Variants in CELF2 observed in about 807,000 individuals in gnomAD.
The protein encoded by CELF2 is CUGBP Elav-like family member 2.
A neutral mutation model predicts 62.6 loss-of-function variants in CELF2; 8 were observed. That is an observed-to-expected ratio of 0.13 (90% CI 0.07 to 0.23). The LOEUF (loss-of-function observed/expected upper bound fraction) is 0.23, where lower values mean the gene tolerates loss of function less well. Ranked by LOEUF, CELF2 falls within the 10% of genes least tolerant of loss-of-function variation. CELF2 has a pLI of 1.00. For synonymous variants in CELF2, 258 were observed against 250.0 expected (o/e 1.03, Z -0.30); for missense variants, 333 against 671.0 (o/e 0.50, Z 5.56).
chr10:10,574,973 C>T, the CELF2 span, among the ~76,000 whole-genome samples: 758 of 151,610 alleles, frequency 5.0e-3, 6 homozygotes, highest in African/African-American at 0.017. Context: ...CCACCTTGGC[C>T]TCCGAAAGTG....
the CELF2 span, among the ~76,000 whole-genome samples, chr10:10,547,897 T>A: frequency 6.6e-6 from 1 of 152,150 alleles, no homozygotes; most frequent in East Asian, 1.9e-4. Context: ...AATATTTTCC[T>A]TTGTTGTGGA....
At chr10:10,755,811 A>G in the CELF2 span, among the ~76,000 whole-genome samples, 2 of 151,268 alleles carry the variant, frequency 1.3e-5, no homozygotes, top group Non-Finnish European at 3.0e-5. Flanking sequence ...CAGTACATTA[A>G]TACAACTGGT....
intron 1 of CELF2, among the ~76,000 whole-genome samples, chr10:11,144,533 A>G (rs2061901726): frequency 6.6e-6 from 1 of 152,072 alleles, no homozygotes; most frequent in East Asian, 1.9e-4. Context: ...AGACAATGTT[A>G]AATGAAGGAA....
the CELF2 span, among the ~76,000 whole-genome samples, chr10:10,677,195 G>T: frequency 1.1e-3 from 169 of 152,260 alleles, 1 homozygote; most frequent in African/African-American, 4.0e-3. Context: ...TACTTTGGAG[G>T]TTCACATCAT....
chr10:10,807,145 C>G, intron 1 of CELF2, among the ~76,000 whole-genome samples: 1 of 152,220 alleles, frequency 6.6e-6, no homozygotes, highest in East Asian at 1.9e-4. Context: ...TCAAAAGCCT[C>G]TGCTTTTCTA....
At chr10:10,909,777 C>T (rs2134324486) in intron 1 of CELF2, among the ~76,000 whole-genome samples, 1 of 152,324 alleles carries the variant, frequency 6.6e-6, no homozygotes, top group Middle Eastern at 3.4e-3. Context: ...AATCTCTTCC[C>T]ATTACTTGTC....
rs980660518 is a variant in CELF2, at chr10:11,126,764, T to C, written c.75-38722T>C. Among the ~76,000 whole-genome samples, 4 of 152,238 alleles carry C rather than the reference T, an allele frequency of 2.6e-5. No homozygotes were observed. In the East Asian group the frequency reaches 7.7e-4, roughly 29 times the overall value. ...TACATTTCTGGTAGTTAGCATTTTATATTTCCTACTCCCTTGTAATAATTG... is the reference window on the plus strand; with the variant it reads ...TACATTTCTGGTAGTTAGCATTTTACATTTCCTACTCCCTTGTAATAATTG... On this transcript the variant is annotated intron_variant, in intron 1 of 12. Transcript: ENST00000633077.
chr10:10,959,849 C>G (rs2049292815), intron 2 of CELF2, among the ~76,000 whole-genome samples: 1 of 152,202 alleles, frequency 6.6e-6, no homozygotes, highest in Non-Finnish European at 1.5e-5. Flanking sequence ...GATGAGAAAG[C>G]ATGGGGTAGG....
intron 1 of CELF2, among the ~76,000 whole-genome samples, chr10:11,132,773 G>A (rs2059810724): frequency 6.6e-6 from 1 of 152,200 alleles, no homozygotes; most frequent in African/African-American, 2.4e-5. Flanking sequence ...GGGTATCATA[G>A]AAAGCAAAAC....
In CELF2 at chr10:11,302,605, A is replaced by G. The variant is rs1038878390; in HGVS notation, c.977-11534A>G. ...GGCCAAAGGGACTTGACACCACACAACTGTGGTCTTTTTCTTGGTGACTTT... is the reference window on the plus strand; with the variant it reads ...GGCCAAAGGGACTTGACACCACACAGCTGTGGTCTTTTTCTTGGTGACTTT... On this transcript the variant is annotated intron_variant, in intron 9 of 12. Coordinates refer to ENST00000633077, the MANE Select transcript of CELF2 (RefSeq NM_001326342.2). The surrounding 1 kb of genome is among the most constrained non-coding windows in gnomAD (Gnocchi z 5.0). 1.3e-5 allele frequency among the ~76,000 whole-genome samples: 2 copies of G among 151,954 alleles called. No individual in the cohort carries two copies.
chr10:10,998,007 C>A (rs1209458040), intron 2 of CELF2, among the ~76,000 whole-genome samples: 1 of 152,138 alleles, frequency 6.6e-6, no homozygotes, highest in Non-Finnish European at 1.5e-5. Flanking sequence ...CTCATGAGAT[C>A]TGATGGTTTT....
chr10:10,919,686 T>A (rs1490911499), intron 1 of CELF2, among the ~76,000 whole-genome samples: 3 of 152,238 alleles, frequency 2.0e-5, no homozygotes, highest in Admixed American at 2.0e-4. Flanking sequence ...GTTGTACATT[T>A]TTACATTTTA....
chr10:11,086,413 G>A (rs939717744), intron 1 of CELF2, among the ~76,000 whole-genome samples: 6 of 151,926 alleles, frequency 3.9e-5, no homozygotes, highest in Admixed American at 2.0e-4. Flanking sequence ...CTGCCTACCC[G>A]GGTCTGATAG....
chr10:10,857,276 T>C (rs1466690447), intron 1 of CELF2, among the ~76,000 whole-genome samples: 3 of 152,094 alleles, frequency 2.0e-5, no homozygotes, highest in Admixed American at 1.3e-4. Context: ...AAAAAGCTTC[T>C]AGAGCTTTCA....
At chr10:11,106,064 T>C (rs1488612896) in intron 1 of CELF2, among the ~76,000 whole-genome samples, 1 of 152,208 alleles carries the variant, frequency 6.6e-6, no homozygotes, top group Non-Finnish European at 1.5e-5. Flanking sequence ...ATGAAAAGTT[T>C]TTATGATTTT....
chr10:10,801,684 T>C (rs796232196), intron 1 of CELF2, among the ~76,000 whole-genome samples: 53 of 152,320 alleles, frequency 3.5e-4, no homozygotes, highest in African/African-American at 1.2e-3. Context: ...TAAAGCATAT[T>C]ACAAGGCAAA....
chr10:10,493,142 C>T, the CELF2 span, among the ~76,000 whole-genome samples: 1 of 152,096 alleles, frequency 6.6e-6, no homozygotes. Context: ...ATGGATGAAC[C>T]TTGAGGACAT....
At chr10:11,143,421 G>T (rs186286844) in intron 1 of CELF2, among the ~76,000 whole-genome samples, 1 of 152,078 alleles carries the variant, frequency 6.6e-6, no homozygotes, top group Admixed American at 6.5e-5. Context: ...GCTTAAGATC[G>T]CCATATGTGT....
chr10:10,590,459 A>G, the CELF2 span, among the ~76,000 whole-genome samples: 1 of 152,246 alleles, frequency 6.6e-6, no homozygotes, highest in African/African-American at 2.4e-5. Flanking sequence ...AAGTTGTATA[A>G]TAAAAGGCAC....
Sources: gnomAD v4.1 joint callset for allele counts (sites outside exome capture counted in the v4.1 genomes callset) on GRCh38, gnomAD v4.1.1 for gene constraint, Gnocchi (gnomAD v3.1) non-coding constraint, MANE v1.5 for transcripts, NCBI Gene and HGNC (gene_info 2026-07-23, HGNC 2026-07-21) for gene names.